CD2: variants seen among roughly 807,000 people sequenced by gnomAD.
The protein encoded by CD2 is CD2 molecule.
CD2 carries 18 observed loss-of-function variants against 23.2 expected under a neutral mutation model. The ratio of observed to expected loss-of-function variants is 0.77; its 90% CI spans 0.54 to 1.15. CD2 has a LOEUF of 1.15. CD2 is among the 50% of genes most tolerant of loss of function. CD2 has a pLI of 0.00. For synonymous variants in CD2, 162 were observed against 151.9 expected, an observed-to-expected ratio of 1.07 and a Z score of -0.49; for missense variants, 424 against 423.1, an observed-to-expected ratio of 1.00 and a Z score of -0.02.
intron 3 of CD2, 37 bp downstream of exon 3, chr1:116,760,669 C>A: frequency 6.6e-7 from 1 of 1,519,764 alleles, no homozygotes; most frequent in Non-Finnish European, 9.1e-7. Context: ...CACAGCCTGC[C>A]AGGCCCTCAG....
At chr1:116,766,383 G>A (rs1652214782) in intron 4 of CD2, among the ~76,000 whole-genome samples, 1 of 152,238 alleles carries the variant, frequency 6.6e-6, no homozygotes, top group Non-Finnish European at 1.5e-5. Flanking sequence ...CAGAGCTCAT[G>A]TGCCTCTGTC....
chr1:116,759,279 G>A (rs1326490678), intron 2 of CD2, among the ~76,000 whole-genome samples: 1 of 152,156 alleles, frequency 6.6e-6, no homozygotes, highest in Non-Finnish European at 1.5e-5. Flanking sequence ...AATGAAGTTT[G>A]ACTATGGTGT....
Position 116,764,521 on chromosome 1 carries a change from T to C in CD2, c.651T>C (p.Cys217=). 6.2e-7 allele frequency: 1 copy of C among 1,614,064 alleles called. No homozygotes were observed. The highest frequency in any genetic ancestry group is 8.5e-7 in the Non-Finnish European group (1 of 1,179,976). The change falls in exon 4 of 5, where the codon TGT becomes TGC. Residue 217 remains cysteine (C), a synonymous_variant. Coordinates refer to ENST00000369478, the MANE Select transcript of CD2 (RefSeq NM_001767.5). ...GLDIYLIIGI[C]GGGSLLMVFV... ...ACATCTATCTCATCATTGGCATATG[T>C]GGAGGAGGCAGCCTCTTGATGGTCT... is the stretch of plus-strand genomic sequence containing the variant.
At chr1:116,758,057 C>T (rs1418979450) in intron 2 of CD2, among the ~76,000 whole-genome samples, 3 of 151,478 alleles carry the variant, frequency 2.0e-5, no homozygotes, top group Admixed American at 6.6e-5. Context: ...CATGAGCCAC[C>T]TCTCCCAGCT....
intron 2 of CD2, among the ~76,000 whole-genome samples, chr1:116,757,752 T>TATAGAG (rs372345259): frequency 1.4e-5 from 2 of 140,632 alleles, no homozygotes; most frequent in Non-Finnish European, 3.2e-5. Flanking sequence ...TATATATATA[T>TATAGAG]AGAGAGAGAG....
intron 4 of CD2, among the ~76,000 whole-genome samples, chr1:116,766,173 GCAAA>G (rs1175031340): frequency 5.9e-5 from 9 of 152,370 alleles, no homozygotes; most frequent in African/African-American, 2.2e-4. Flanking sequence ...ACCAGGAGAT[GCAAA>G]CAAGGGAGAA....
Position 116,768,449 on chromosome 1 carries a change from G to T in CD2, c.737-15G>T. The T allele has an allele frequency of 6.2e-7, 1 of 1,611,254 alleles. No individual in the cohort carries two copies. The highest frequency in any genetic ancestry group is 1.7e-5 in the Admixed American group (1 of 59,716). ...CCTGGCCAAGATGAACTCTATTGAG[G>T]TTTTGTTGTTGCAGATGAGGAGCTG... is the stretch of plus-strand genomic sequence containing the variant. On this transcript the variant is annotated splice_polypyrimidine_tract_variant and intron_variant, in intron 4 of 4. Coordinates refer to ENST00000369478, the MANE Select transcript of CD2 (RefSeq NM_001767.5).
chr1:116,758,013 C>T lies in CD2; in HGVS notation c.383-2389C>T, dbSNP rs559453963. ...TGAACTCCTGGCCTCAAGAGATCCG[C>T]CCACCTTAGCCTCCCAAAGTGCTGG... On this transcript the variant is annotated intron_variant, in intron 2 of 4. Transcript: ENST00000369478. 9.2e-5 allele frequency among the ~76,000 whole-genome samples: 14 copies of T among 151,786 alleles called. No homozygotes were observed. In the East Asian group the frequency reaches 2.7e-3, roughly 29 times the overall value.
chr1:116,766,406 T>C (rs1652215341), intron 4 of CD2, among the ~76,000 whole-genome samples: 1 of 152,248 alleles, frequency 6.6e-6, no homozygotes, highest in South Asian at 2.1e-4. Flanking sequence ...CACTTTCTGG[T>C]GGCCCTGGGC....
At chr1:116,757,099 C>T (rs1415825837) in intron 2 of CD2, among the ~76,000 whole-genome samples, 8 of 151,618 alleles carry the variant, frequency 5.3e-5, no homozygotes, top group African/African-American at 1.5e-4. Flanking sequence ...CAGGTTCAAG[C>T]GATTCTCCTG....
chr1:116,766,133 C>A (rs1652208255), intron 4 of CD2, among the ~76,000 whole-genome samples: 1 of 152,246 alleles, frequency 6.6e-6, no homozygotes, highest in African/African-American at 2.4e-5. Flanking sequence ...GCCTCGCTTG[C>A]CTCATTCCAG....
intron 2 of CD2, among the ~76,000 whole-genome samples, chr1:116,755,642 T>G (rs1007880998): frequency 3.3e-5 from 5 of 152,114 alleles, no homozygotes; most frequent in African/African-American, 1.2e-4. Flanking sequence ...AAATCAGATT[T>G]TTTTTGCATG....
At chr1:116,759,812 C>T (rs564279084) in intron 2 of CD2, among the ~76,000 whole-genome samples, 1 of 152,296 alleles carries the variant, frequency 6.6e-6, no homozygotes, top group South Asian at 2.1e-4. Context: ...GAGCTTTGAG[C>T]TCCTTGGACA....
At chr1:116,761,028 G>A (rs1391891560) in intron 3 of CD2, among the ~76,000 whole-genome samples, 1 of 152,196 alleles carries the variant, frequency 6.6e-6, no homozygotes, top group Non-Finnish European at 1.5e-5. Context: ...AAGATGGTTA[G>A]TGGTCAGCAC....
At chr1:116,764,223 C>T (rs370415391) in intron 3 of CD2, among the ~76,000 whole-genome samples, 5 of 152,210 alleles carry the variant, frequency 3.3e-5, no homozygotes, top group African/African-American at 9.6e-5. Context: ...GTGGGCAGGC[C>T]GGCCTTGGTG....
At chr1:116,755,583 G>A (rs1651816276) in intron 2 of CD2, among the ~76,000 whole-genome samples, 1 of 152,154 alleles carries the variant, frequency 6.6e-6, no homozygotes, top group African/African-American at 2.4e-5. Flanking sequence ...GGGTTAGGGA[G>A]ACTAGTTAGA....
At chr1:116,755,170 G>C (rs1651800793) in intron 2 of CD2, 3 of 566,516 alleles carry the variant, frequency 5.3e-6, no homozygotes, top group Middle Eastern at 4.7e-4. Flanking sequence ...CTACAACTCT[G>C]TCTTCAGGTG....
chr1:116,765,086 T>C (rs75405593), intron 4 of CD2, among the ~76,000 whole-genome samples: 2,297 of 152,312 alleles, frequency 0.015, 56 homozygotes, highest in African/African-American at 0.052. Context: ...CTGTGCCCCC[T>C]TTGCTAATTC....
intron 2 of CD2, among the ~76,000 whole-genome samples, chr1:116,756,466 A>G (rs907599352): frequency 1.3e-5 from 2 of 152,148 alleles, no homozygotes; most frequent in Non-Finnish European, 2.9e-5. Flanking sequence ...TATATATAAG[A>G]AAACAGAGAC....
Sources: allele counts gnomAD v4.1 joint callset (sites outside exome capture counted in the v4.1 genomes callset), GRCh38; gene constraint gnomAD v4.1.1; transcripts MANE v1.5; gene names NCBI Gene and HGNC (gene_info 2026-07-23, HGNC 2026-07-21).